The following MTERF4 variants were observed in gnomAD, a reference collection of about 807,000 sequenced individuals.
The protein encoded by MTERF4 is mitochondrial transcription termination factor 4.
MTERF4 carries 17 observed loss-of-function variants against 22.5 expected under a neutral mutation model. The ratio of observed to expected loss-of-function variants is 0.75; its 90% CI spans 0.52 to 1.13. MTERF4 has a LOEUF of 1.13. MTERF4 is among the 50% of genes most tolerant of loss of function. The probability of loss-of-function intolerance (pLI) is 0.00; values close to 1 mark genes in which losing one functional copy is unlikely to be tolerated. For synonymous variants in MTERF4, 165 were observed against 175.3 expected (o/e 0.94, Z 0.47); for missense variants, 420 against 466.8 (o/e 0.90, Z 0.92).
chr2:241,088,345 C>G, downstream of MTERF4: 1 of 1,593,480 alleles, frequency 6.3e-7, no homozygotes, highest in Non-Finnish European at 8.6e-7. Context: ...CATTAAACGA[C>G]TTTTCTCTAA....
chr2:241,048,511 T>G, the MTERF4 span: 1 of 1,529,174 alleles, frequency 6.5e-7, no homozygotes, highest in East Asian at 2.3e-5. Context: ...TTCCTGTGGG[T>G]GCATGCAGGA....
intron 2 of MTERF4, among the ~76,000 whole-genome samples, chr2:241,098,637 A>G (rs1438384898): frequency 6.6e-6 from 1 of 152,256 alleles, no homozygotes; most frequent in Non-Finnish European, 1.5e-5. Flanking sequence ...GTTCCAGAGT[A>G]AATCTAAACA....
chr2:241,071,812 G>A (rs751167840), downstream of MTERF4: 3 of 1,600,188 alleles, frequency 1.9e-6, no homozygotes, highest in Admixed American at 3.4e-5. Flanking sequence ...GGAGCTTGTG[G>A]ACGGCAGAGG....
At position 241,099,621 on chromosome 2, in the gene MTERF4, G is replaced by A. The variant is rs890324604; in HGVS notation, c.295C>T (p.Leu99Phe). ...GCATTGCTGAAACCCATGTCCAGGA[G>A]GGAACTCATGACCCTCTCTAGCTCC... ...SLELERVMSSLLDMGFSNAHI... is the reference protein window; with the variant it reads ...SLELERVMSSFLDMGFSNAHI... The change falls in exon 2 of 4, where the codon CTC (leucine) becomes TTC (phenylalanine). Residue 99 changes from leucine to phenylalanine, a missense_variant. By Grantham distance (22) the Leu-to-Phe change is conservative. Transcript: ENST00000391980. 6.2e-7 allele frequency: 1 copy of A among 1,614,216 alleles called. No individual in the cohort carries two copies. The highest frequency in any genetic ancestry group is 8.5e-7 in the Non-Finnish European group (1 of 1,180,046).
exon 5 of MTERF4, chr2:241,074,629 G>T (rs996291341): frequency 2.0e-5 from 3 of 152,182 alleles, no homozygotes; most frequent in African/African-American, 7.2e-5. Flanking sequence ...GTGTTTGCCA[G>T]CACGAGATGC....
the MTERF4 span, among the ~76,000 whole-genome samples, chr2:241,046,323 A>C: frequency 6.6e-6 from 1 of 152,204 alleles, no homozygotes; most frequent in Non-Finnish European, 1.5e-5. Flanking sequence ...TAAAGAGATG[A>C]AAACTTATGT....
downstream of MTERF4, chr2:241,088,688 A>G: frequency 2.2e-6 from 1 of 448,636 alleles, no homozygotes; most frequent in Non-Finnish European, 4.0e-6. Context: ...AAATGTGGCC[A>G]AGAAACCCCT....
At chr2:241,050,526 C>T in the MTERF4 span, among the ~76,000 whole-genome samples, 1 of 152,184 alleles carries the variant, frequency 6.6e-6, no homozygotes, top group South Asian at 2.1e-4. Context: ...CAGGCACCCC[C>T]GCAGCCTGGA....
the MTERF4 span, among the ~76,000 whole-genome samples, chr2:241,045,337 G>A: frequency 6.6e-6 from 1 of 152,074 alleles, no homozygotes; most frequent in Non-Finnish European, 1.5e-5. Context: ...AAAGAATTTA[G>A]AAAACCAAAA....
At position 241,096,394 on chromosome 2, in the gene MTERF4, C is replaced by CT; in HGVS notation, c.749dup (p.Ser251GlufsTer2). The CT allele has an allele frequency of 1.2e-6, 2 of 1,614,182 alleles. No individual in the cohort carries two copies. ...TTAGTGAATACTGCAAGTACTCACT[C>CT]TTTACAATGTCTGGATGCTTAATTC... is the stretch of plus-strand genomic sequence containing the variant. On this transcript the variant is annotated frameshift_variant, in exon 4 of 4. Transcript: ENST00000391980. LOFTEE classifies it low-confidence loss of function (END_TRUNC). This position sits in a 1 kb window ranked among gnomAD's most constrained non-coding sequence, Gnocchi z 5.1.
At position 241,097,257 on chromosome 2, in the gene MTERF4, C is replaced by A. The variant is rs1175742646; in HGVS notation, c.691G>T (p.Glu231Ter). 2 of 1,613,830 alleles carry A rather than the reference C, an allele frequency of 1.2e-6. No homozygotes were observed. The highest frequency in any genetic ancestry group is 1.3e-5 in the African/African-American group (1 of 74,936). ...SVLREDLGQL[E>*]YKFQYAYFRM... The stretch of plus-strand genomic sequence containing the variant: ...GTCATTCTCACCTGAAACTTGTATT[C>A]CAGTTGACCCAGGTCCTCTCGAAGA... Residue 231 changes from glutamate to a stop codon, truncating the protein, a stop_gained, in exon 3 of 4, where the codon GAA becomes TAA. Transcript: ENST00000391980. LOFTEE classifies it low-confidence loss of function (END_TRUNC).
the MTERF4 span, among the ~76,000 whole-genome samples, chr2:241,060,252 G>A: frequency 5.3e-5 from 8 of 150,528 alleles, no homozygotes; most frequent in Admixed American, 2.0e-4. Context: ...GCACAATCTC[G>A]GCTCACTGCA....
At chr2:241,048,908 G>C in the MTERF4 span, 1 of 1,198,594 alleles carries the variant, frequency 8.3e-7, no homozygotes, top group Non-Finnish European at 1.2e-6. Flanking sequence ...GGCCACAAGA[G>C]TGCCTGAACC....
chr2:241,066,513 C>G, the MTERF4 span, among the ~76,000 whole-genome samples: 1 of 152,196 alleles, frequency 6.6e-6, no homozygotes. Context: ...ATGGGACTCT[C>G]ACCCAACATG....
At chr2:241,089,752 G>C (rs2063789807), downstream of MTERF4, among the ~76,000 whole-genome samples, 1 of 152,252 alleles carries the variant, frequency 6.6e-6, no homozygotes, top group African/African-American at 2.4e-5. Context: ...GAAATGCTTT[G>C]TGAGGCAATT....
chr2:241,064,019 C>A, the MTERF4 span: 1 of 1,553,138 alleles, frequency 6.4e-7, no homozygotes, highest in Non-Finnish European at 8.7e-7. The surrounding 1 kb of genome is among the most constrained non-coding windows in gnomAD (Gnocchi z 7.0). Context: ...CAGAGGTGGA[C>A]GCCTGCGACT....
downstream of MTERF4, among the ~76,000 whole-genome samples, chr2:241,084,394 T>C (rs1220233957): frequency 2.0e-5 from 3 of 152,124 alleles, no homozygotes; most frequent in East Asian, 5.8e-4. Context: ...CCTCAGGTGA[T>C]CCACCCACCT....
At chr2:241,076,751 T>C (rs970566505) in intron 4 of MTERF4, among the ~76,000 whole-genome samples, 4 of 151,058 alleles carry the variant, frequency 2.6e-5, no homozygotes, top group African/African-American at 9.8e-5. Context: ...GAACTGAGAG[T>C]CCAGGGCCGG....
At chr2:241,044,654 CAGCTTAAGA>C in the MTERF4 span, among the ~76,000 whole-genome samples, 1 of 152,192 alleles carries the variant, frequency 6.6e-6, no homozygotes, top group African/African-American at 2.4e-5. Context: ...CCCTCTAGTC[CAGCTTAAGA>C]AGCAGGGCTG....
Sources: gnomAD v4.1 joint callset for allele counts (sites outside exome capture counted in the v4.1 genomes callset) on GRCh38, gnomAD v4.1.1 for gene constraint, Gnocchi (gnomAD v3.1) non-coding constraint, MANE v1.5 for transcripts, NCBI Gene and HGNC (gene_info 2026-07-23, HGNC 2026-07-21) for gene names.